The following PCDH7 variants were observed in gnomAD, a reference collection of about 807,000 sequenced individuals.
PCDH7 encodes the protein protocadherin 7, also known as protocadherin-7.
PCDH7 carries 17 observed loss-of-function variants against 58.9 expected under a neutral mutation model. The ratio of observed to expected loss-of-function variants is 0.29; its 90% confidence interval spans 0.20 to 0.43. PCDH7 has a LOEUF of 0.43. Among genes scored for constraint, PCDH7 ranks in the 20% least tolerant of loss-of-function variants. The pLI is 1.00. For missense variants in PCDH7, 1,274 were observed against 1,441.0 expected, an observed-to-expected ratio of 0.88 and a Z score of 1.88; for synonymous variants, 664 against 616.4, an observed-to-expected ratio of 1.08 and a Z score of -1.14.
chr4:31,028,128 G>A (rs1754595592), intron 3 of PCDH7, among the ~76,000 whole-genome samples: 1 of 151,878 alleles, frequency 6.6e-6, no homozygotes, highest in African/African-American at 2.4e-5. Context: ...ATTTTGTATG[G>A]TACTGACTTT....
chr4:30,730,715 T>A (rs773952199), intron 1 of PCDH7: 2 of 1,510,068 alleles, frequency 1.3e-6, no homozygotes, highest in African/African-American at 1.4e-5. Flanking sequence ...TTATCGATTT[T>A]TTTTTACCTG....
rs182022187 is a variant in PCDH7, at chr4:31,006,583, A to T, written c.*7+56368A>T. On this transcript the variant is annotated intron_variant, in intron 3 of 3. Transcript: ENST00000509759. The stretch of plus-strand genomic sequence containing the variant: ...TGCAGTCACGTATAATGTGAGTTTA[A>T]CTCATGCTTCATAAGAAACAGGAAC... Among the ~76,000 whole-genome samples the T allele has an allele frequency of 5.9e-5, 9 of 152,178 alleles. No individual in the cohort carries two copies. The East Asian group carries it at 1.5e-3, about 26-fold the overall frequency.
chr4:31,047,349 G>T (rs1372787802), intron 3 of PCDH7, among the ~76,000 whole-genome samples: 3 of 151,966 alleles, frequency 2.0e-5, no homozygotes, highest in Non-Finnish European at 2.9e-5. Flanking sequence ...AGTGCAAATC[G>T]GTGGTCTCAA....
At chr4:30,840,446 C>T (rs907148172) in intron 1 of PCDH7, among the ~76,000 whole-genome samples, 2 of 152,106 alleles carry the variant, frequency 1.3e-5, no homozygotes, top group African/African-American at 2.4e-5. Flanking sequence ...TGCCTTATTA[C>T]GTCCCTTGAC....
rs1056779707 is a variant in PCDH7, at chr4:31,032,424, A to G, written c.*7+82209A>G. Among the ~76,000 whole-genome samples, 14 of 152,224 alleles carry G rather than the reference A, an allele frequency of 9.2e-5. No homozygotes were observed. In the South Asian group the frequency reaches 2.9e-3, roughly 32 times the overall value. ...GATGTTGGATACCAAACTGGCCAAC[A>G]TGGCGAGACCTCGTCTCTACTAAAA... On this transcript the variant is annotated intron_variant, in intron 3 of 3. Transcript: ENST00000509759.
At chr4:30,896,801 G>A (rs867858926) in intron 1 of PCDH7, among the ~76,000 whole-genome samples, 3 of 146,294 alleles carry the variant, frequency 2.1e-5, no homozygotes, top group Admixed American at 6.9e-5. Flanking sequence ...CAATTTGCAC[G>A]TATCTTTGCA....
chr4:30,781,474 A>G (rs1722773103), intron 1 of PCDH7, among the ~76,000 whole-genome samples: 1 of 151,146 alleles, frequency 6.6e-6, no homozygotes, highest in South Asian at 2.1e-4. Context: ...CAAATCATTT[A>G]TACTCTGAAG....
chr4:31,051,575 C>T (rs537794103), intron 3 of PCDH7, among the ~76,000 whole-genome samples: 1 of 150,976 alleles, frequency 6.6e-6, no homozygotes, highest in African/African-American at 2.4e-5. Flanking sequence ...CAGCTTGATT[C>T]TATTTCTTTA....
chr4:31,080,843 T>C (rs968852914), intron 3 of PCDH7, among the ~76,000 whole-genome samples: 1 of 152,158 alleles, frequency 6.6e-6, no homozygotes, highest in Non-Finnish European at 1.5e-5. Context: ...CAATGGGAGA[T>C]AATGGAATCA....
chr4:30,870,757 T>A (rs1292971829), intron 1 of PCDH7, among the ~76,000 whole-genome samples: 1 of 152,120 alleles, frequency 6.6e-6, no homozygotes, highest in Non-Finnish European at 1.5e-5. Context: ...TGTCAGTGAC[T>A]CATTTATTCT....
At chr4:30,884,181 C>T (rs890507402) in intron 1 of PCDH7, among the ~76,000 whole-genome samples, 1 of 152,112 alleles carries the variant, frequency 6.6e-6, no homozygotes, top group Non-Finnish European at 1.5e-5. Flanking sequence ...CCTTATTACT[C>T]GCCAAACACT....
intron 1 of PCDH7, among the ~76,000 whole-genome samples, chr4:30,877,736 A>T (rs1237956744): frequency 1.3e-5 from 2 of 152,242 alleles, no homozygotes; most frequent in Non-Finnish European, 2.9e-5. Flanking sequence ...TCAGTGGAAA[A>T]TTTCATACAT....
chr4:30,960,977 T>G (rs1399765121), intron 3 of PCDH7, among the ~76,000 whole-genome samples: 1 of 152,090 alleles, frequency 6.6e-6, no homozygotes, highest in Admixed American at 6.6e-5. Flanking sequence ...CATTAAAGAG[T>G]CTAGGTGACT....
At chr4:30,876,421 A>C (rs939178549) in intron 1 of PCDH7, among the ~76,000 whole-genome samples, 5 of 152,096 alleles carry the variant, frequency 3.3e-5, no homozygotes, top group Admixed American at 2.6e-4. Flanking sequence ...ACACTGTAAA[A>C]ATTTTTAAAT....
intron 1 of PCDH7, among the ~76,000 whole-genome samples, chr4:30,872,448 C>T (rs576960831): frequency 2.0e-5 from 3 of 152,172 alleles, no homozygotes; most frequent in South Asian, 2.1e-4. Flanking sequence ...GAATTTCATA[C>T]ATTTTATTGA....
At chr4:30,755,528 G>C (rs140008507) in intron 1 of PCDH7, among the ~76,000 whole-genome samples, 1 of 152,196 alleles carries the variant, frequency 6.6e-6, no homozygotes, top group East Asian at 1.9e-4. Context: ...TACTTCTATA[G>C]CCACAAAGTA....
chr4:30,934,235 G>A (rs759338776), intron 2 of PCDH7, among the ~76,000 whole-genome samples: 2 of 152,028 alleles, frequency 1.3e-5, no homozygotes, highest in Non-Finnish European at 2.9e-5. Context: ...CGCTGCCTAC[G>A]TCTGAGTATT....
chr4:31,043,098 G>A (rs1163415098), intron 3 of PCDH7, among the ~76,000 whole-genome samples: 1 of 151,810 alleles, frequency 6.6e-6, no homozygotes, highest in East Asian at 1.9e-4. Context: ...TTTTTCATGG[G>A]GGCAGAGCTT....
At chr4:30,930,338 C>A (rs2109425241) in intron 2 of PCDH7, among the ~76,000 whole-genome samples, 1 of 152,246 alleles carries the variant, frequency 6.6e-6, no homozygotes, top group South Asian at 2.1e-4. Flanking sequence ...GTGGAAAGAG[C>A]AGCACATTTT....
Sources: allele counts gnomAD v4.1 joint callset (sites outside exome capture counted in the v4.1 genomes callset), GRCh38; gene constraint gnomAD v4.1.1; transcripts MANE v1.5; gene names NCBI Gene and HGNC (gene_info 2026-07-23, HGNC 2026-07-21).